Variants in RIT2 observed in about 807,000 individuals in gnomAD.
The protein encoded by RIT2 is Ras like without CAAX 2.
A neutral mutation model predicts 23.7 loss-of-function variants in RIT2; 24 were observed. That is an observed-to-expected ratio of 1.01 (90% CI 0.73 to 1.43). The LOEUF (loss-of-function observed/expected upper bound fraction) is 1.43. RIT2 is among the 40% of genes most tolerant of loss of function. The probability of loss-of-function intolerance (pLI) is 0.00; values close to 1 mark genes in which losing one functional copy is unlikely to be tolerated. For synonymous variants in RIT2, 107 were observed against 91.1 expected, an observed-to-expected ratio of 1.17 and a Z score of -0.99; for missense variants, 236 against 266.9, an observed-to-expected ratio of 0.88 and a Z score of 0.81.
chr18:42,800,048 A>G (rs1044385629), intron 4 of RIT2, among the ~76,000 whole-genome samples: 2 of 152,198 alleles, frequency 1.3e-5, no homozygotes, highest in Admixed American at 6.5e-5. Flanking sequence ...ACACCACTAT[A>G]TCTCTGGCAC....
Position 43,006,674 on chromosome 18 carries a change from AT to A in RIT2, c.160+27136del, listed in dbSNP as rs1191649399. ...TTAAAAAGGAAAATAAACTAAAAAA[AT>A]AAAAAACATTAAAAAGAATTACAAA... is the stretch of plus-strand genomic sequence containing the variant. On this transcript the variant is annotated intron_variant, in intron 2 of 4. Transcript: ENST00000326695. 3.3e-5 allele frequency among the ~76,000 whole-genome samples: 5 copies of A among 151,650 alleles called. No individual in the cohort carries two copies. The East Asian group carries it at 5.8e-4, about 18-fold the overall frequency.
intron 2 of RIT2, among the ~76,000 whole-genome samples, chr18:42,987,908 A>G (rs764054371): frequency 3.3e-5 from 5 of 152,150 alleles, no homozygotes; most frequent in Non-Finnish European, 7.3e-5. Flanking sequence ...TGTGGGAACT[A>G]AGAGTAAGAA....
chr18:43,012,550 T>G (rs1040286594), intron 2 of RIT2, among the ~76,000 whole-genome samples: 1 of 151,752 alleles, frequency 6.6e-6, no homozygotes, highest in Admixed American at 6.6e-5. Flanking sequence ...TCTGTATTTC[T>G]ACCTTTTCTG....
chr18:43,050,766 A>G (rs1038299339), intron 1 of RIT2, among the ~76,000 whole-genome samples: 2 of 152,046 alleles, frequency 1.3e-5, no homozygotes, highest in East Asian at 3.9e-4. Context: ...CTTCCATAAA[A>G]AACCCAAAAG....
At position 42,768,998 on chromosome 18, in the gene RIT2, C is replaced by T. The variant is rs189691444; in HGVS notation, c.427-25278G>A. On this transcript the variant is annotated intron_variant, in intron 4 of 4. Transcript: ENST00000326695. Reference sequence around the variant, plus strand: ...CCAGGCTATTCAGAGAACTACATCACTCTATCCAAATGCTGGTTGTGTGAT... The same window carrying T: ...CCAGGCTATTCAGAGAACTACATCATTCTATCCAAATGCTGGTTGTGTGAT... Among the ~76,000 whole-genome samples the T allele has an allele frequency of 5.3e-5, 8 of 152,272 alleles. No individual in the cohort carries two copies. The East Asian group carries it at 1.5e-3, about 29-fold the overall frequency.
At chr18:43,084,733 G>T (rs1180602438) in intron 1 of RIT2, among the ~76,000 whole-genome samples, 1 of 152,080 alleles carries the variant, frequency 6.6e-6, no homozygotes, top group African/African-American at 2.4e-5. Flanking sequence ...GACCTGTCAG[G>T]GGTTGGGGAC....
chr18:42,904,501 G>T (rs944918820), intron 4 of RIT2, among the ~76,000 whole-genome samples: 1 of 152,242 alleles, frequency 6.6e-6, no homozygotes, highest in South Asian at 2.1e-4. Context: ...GGAGGCCTGA[G>T]GTCTGGGAGG....
At chr18:43,003,296 G>C in intron 2 of RIT2, among the ~76,000 whole-genome samples, 1 of 151,924 alleles carries the variant, frequency 6.6e-6, no homozygotes, top group East Asian at 1.9e-4. Flanking sequence ...ATATTTAAGA[G>C]AACAGAAAAG....
intron 4 of RIT2, among the ~76,000 whole-genome samples, chr18:42,819,925 TC>T (rs1443478844): frequency 1.3e-5 from 2 of 152,098 alleles, no homozygotes; most frequent in Non-Finnish European, 2.9e-5. Flanking sequence ...GATCCTCAAA[TC>T]CCTTATATAA....
chr18:42,978,342 G>T (rs1408151386), intron 2 of RIT2, among the ~76,000 whole-genome samples: 2 of 151,224 alleles, frequency 1.3e-5, no homozygotes, highest in Non-Finnish European at 2.9e-5. Context: ...GTCTATCAGA[G>T]TACACATTTC....
intron 4 of RIT2, among the ~76,000 whole-genome samples, chr18:42,753,930 G>A (rs915526843): frequency 2.3e-4 from 35 of 152,156 alleles, no homozygotes; most frequent in African/African-American, 5.8e-4. Flanking sequence ...AACTCCTTCC[G>A]GGAACAGCAA....
chr18:43,072,795 C>A (rs1912927647), intron 1 of RIT2, among the ~76,000 whole-genome samples: 1 of 152,116 alleles, frequency 6.6e-6, no homozygotes. Flanking sequence ...TAATCTCTTA[C>A]TGGAATTGAC....
intron 2 of RIT2, among the ~76,000 whole-genome samples, chr18:42,988,137 T>C (rs1033324772): frequency 6.6e-6 from 1 of 152,138 alleles, no homozygotes; most frequent in Admixed American, 6.6e-5. Context: ...TTCTTTAAAC[T>C]ATAGAATACA....
intron 1 of RIT2, among the ~76,000 whole-genome samples, chr18:43,052,001 AG>A (rs1403893403): frequency 6.6e-6 from 1 of 152,078 alleles, no homozygotes; most frequent in Non-Finnish European, 1.5e-5. Flanking sequence ...ACAGAGTCAG[AG>A]AATATACCCA....
chr18:43,084,094 C>CAA (rs941425401), intron 1 of RIT2, among the ~76,000 whole-genome samples: 3 of 152,060 alleles, frequency 2.0e-5, no homozygotes, highest in African/African-American at 7.2e-5. Context: ...AGACATTTCT[C>CAA]AAAAAAAGAC....
chr18:42,752,703 A>AT (rs1435614029), intron 4 of RIT2, among the ~76,000 whole-genome samples: 2 of 152,048 alleles, frequency 1.3e-5, no homozygotes, highest in Non-Finnish European at 2.9e-5. Context: ...AATATTTTAT[A>AT]TTGCATTTAC....
At chr18:42,837,238 G>A (rs1352231663) in intron 4 of RIT2, among the ~76,000 whole-genome samples, 1 of 117,670 alleles carries the variant, frequency 8.5e-6, no homozygotes, top group East Asian at 2.9e-4. Context: ...CGTGATCTCA[G>A]CTCACTGCAA....
At chr18:42,862,398 C>T (rs1225922123) in intron 4 of RIT2, among the ~76,000 whole-genome samples, 1 of 152,172 alleles carries the variant, frequency 6.6e-6, no homozygotes, top group Non-Finnish European at 1.5e-5. Flanking sequence ...TCATAAATTA[C>T]TCACTCTCGG....
chr18:43,026,584 G>GAAAGAAAGAAATAAAGAAAT (rs1268893728), intron 2 of RIT2, among the ~76,000 whole-genome samples: 1 of 94,092 alleles, frequency 1.1e-5, no homozygotes, highest in Non-Finnish European at 2.3e-5. Context: ...AAGAAAGAAA[G>GAAAGAAAGAAATAAAGAAAT]AAAGAAAGAA....
Sources: gnomAD v4.1 joint callset for allele counts (sites outside exome capture counted in the v4.1 genomes callset) on GRCh38, gnomAD v4.1.1 for gene constraint, MANE v1.5 for transcripts, NCBI Gene and HGNC (gene_info 2026-07-23, HGNC 2026-07-21) for gene names.